The following FOXN3 variants were observed in gnomAD, a reference collection of about 807,000 sequenced individuals.
FOXN3 encodes forkhead box N3.
A neutral mutation model predicts 38.4 loss-of-function variants in FOXN3; 7 were observed. That is an observed-to-expected ratio of 0.18 (90% CI 0.10 to 0.34). The LOEUF is 0.34. FOXN3 is among the 10% of genes least tolerant of loss of function. FOXN3 has a pLI of 1.00. For missense variants in FOXN3, 456 were observed against 613.4 expected, an observed-to-expected ratio of 0.74 and a Z score of 2.71; for synonymous variants, 230 against 242.2, an observed-to-expected ratio of 0.95 and a Z score of 0.47.
chr14:89,306,274 G>C (rs1887366689), intron 3 of FOXN3, among the ~76,000 whole-genome samples: 1 of 151,960 alleles, frequency 6.6e-6, no homozygotes, highest in Non-Finnish European at 1.5e-5. Context: ...CCCAAGAGGG[G>C]AGCTGAAGAA....
chr14:89,286,609 G>A (rs1419973133), intron 3 of FOXN3, among the ~76,000 whole-genome samples: 1 of 152,138 alleles, frequency 6.6e-6, no homozygotes, highest in Non-Finnish European at 1.5e-5. Flanking sequence ...TTGTAACAAA[G>A]GGAGAATCAC....
intron 2 of FOXN3, among the ~76,000 whole-genome samples, chr14:89,395,107 G>A (rs1194493457): frequency 3.3e-5 from 5 of 152,156 alleles, no homozygotes; most frequent in Non-Finnish European, 5.9e-5. Flanking sequence ...CTTTGCTTTG[G>A]GCAGAAATAT....
chr14:89,409,179 G>C (rs1452602587), intron 2 of FOXN3: 1 of 152,256 alleles, frequency 6.6e-6, no homozygotes, highest in African/African-American at 2.4e-5. Flanking sequence ...CATTTGATCA[G>C]AAACATGTCA....
intron 1 of FOXN3, among the ~76,000 whole-genome samples, chr14:89,465,044 T>C (rs946347737): frequency 6.6e-6 from 1 of 151,976 alleles, no homozygotes; most frequent in East Asian, 1.9e-4. Context: ...AGAGATCTGA[T>C]GGTTTTATAA....
chr14:89,302,418 G>A (rs1046951026), intron 3 of FOXN3, among the ~76,000 whole-genome samples: 7 of 152,128 alleles, frequency 4.6e-5, no homozygotes, highest in African/African-American at 1.7e-4. Context: ...GATTGTGAGG[G>A]TTTTGCTTTG....
At chr14:89,419,086 A>C, upstream of FOXN3, 1 of 455,908 alleles carries the variant, frequency 2.2e-6, no homozygotes, top group East Asian at 6.9e-5. Context: ...TTGTACATGG[A>C]ATATGTCATT....
intron 1 of FOXN3, among the ~76,000 whole-genome samples, chr14:89,530,767 G>A (rs1309985064): frequency 7.3e-5 from 11 of 150,842 alleles, no homozygotes; most frequent in East Asian, 3.9e-4. Flanking sequence ...CTACCACCAC[G>A]CCCGGCTAAT....
At chr14:89,388,943 A>G (rs1393953604) in intron 2 of FOXN3, among the ~76,000 whole-genome samples, 2 of 152,090 alleles carry the variant, frequency 1.3e-5, no homozygotes, top group East Asian at 3.9e-4. Context: ...GATCCCAGAA[A>G]ACCAAAGTCG....
intron 1 of FOXN3, among the ~76,000 whole-genome samples, chr14:89,481,175 T>G (rs1398224363): frequency 6.6e-6 from 1 of 152,128 alleles, no homozygotes; most frequent in African/African-American, 2.4e-5. Flanking sequence ...AGGGGCCTGT[T>G]TGGATTCTCT....
intron 3 of FOXN3, chr14:89,291,017 C>A: frequency 2.2e-6 from 1 of 460,080 alleles, no homozygotes; most frequent in Non-Finnish European, 4.4e-6. Flanking sequence ...TGTGGTGCTC[C>A]TTGACTCATG....
At position 89,543,788 on chromosome 14, in the gene FOXN3, A is replaced by G. The variant is rs943851814; in HGVS notation, c.-15+75240T>C. On this transcript the variant is annotated intron_variant, in intron 1 of 6. Transcript: ENST00000345097. ...AAAATATCCCAACACCCAACTAAAG[A>G]CTAACTTATCAGAAACACTAGGATT... 4.1e-4 allele frequency among the ~76,000 whole-genome samples: 62 copies of G among 152,164 alleles called. 1 individual carries two copies. Among genetic ancestry groups the G allele is most frequent in the Admixed American group, 3.9e-3 (60 of 15,278 alleles).
At chr14:89,535,161 T>C (rs1894658957) in intron 1 of FOXN3, among the ~76,000 whole-genome samples, 1 of 152,180 alleles carries the variant, frequency 6.6e-6, no homozygotes, top group Non-Finnish European at 1.5e-5. Context: ...TGGCATGACA[T>C]GCCTAATGTT....
At chr14:89,367,247 T>A (rs1225814733) in intron 2 of FOXN3, among the ~76,000 whole-genome samples, 3 of 152,142 alleles carry the variant, frequency 2.0e-5, no homozygotes, top group Non-Finnish European at 2.9e-5. Context: ...AACCAACACA[T>A]CCACTTTTAA....
At chr14:89,317,042 C>T (rs1482655363) in intron 3 of FOXN3, among the ~76,000 whole-genome samples, 1 of 152,142 alleles carries the variant, frequency 6.6e-6, no homozygotes, top group Non-Finnish European at 1.5e-5. Context: ...ACATTCTATG[C>T]AGTAGAACCT....
chr14:89,307,598 C>CCT (rs1471258976), intron 3 of FOXN3, among the ~76,000 whole-genome samples: 1 of 152,152 alleles, frequency 6.6e-6, no homozygotes, highest in African/African-American at 2.4e-5. Flanking sequence ...CTTTTGCTAC[C>CCT]CTCTCTCCCT....
chr14:89,596,495 T>C (rs903486881), intron 1 of FOXN3, among the ~76,000 whole-genome samples: 1 of 152,226 alleles, frequency 6.6e-6, no homozygotes, highest in Non-Finnish European at 1.5e-5. Context: ...TGTTCCTTTC[T>C]TATAACATTT....
intron 3 of FOXN3, among the ~76,000 whole-genome samples, chr14:89,300,001 G>A (rs1887168431): frequency 6.6e-6 from 1 of 152,136 alleles, no homozygotes; most frequent in South Asian, 2.1e-4. Flanking sequence ...CAGCACAGCA[G>A]CATCATTTTG....
chr14:89,438,858 G>T (rs1345265404), intron 1 of FOXN3, among the ~76,000 whole-genome samples: 1 of 151,852 alleles, frequency 6.6e-6, no homozygotes, highest in African/African-American at 2.4e-5. Context: ...CCGCCTCCCA[G>T]GTTCTAAGGA....
At chr14:89,176,474 A>C (rs1190114493) in intron 5 of FOXN3, among the ~76,000 whole-genome samples, 3 of 152,156 alleles carry the variant, frequency 2.0e-5, no homozygotes, top group Non-Finnish European at 4.4e-5. Context: ...AGTGGGTGCT[A>C]ATGACTCTCC....
Sources: allele counts gnomAD v4.1 joint callset (sites outside exome capture counted in the v4.1 genomes callset), GRCh38; gene constraint gnomAD v4.1.1; transcripts MANE v1.5; gene names NCBI Gene and HGNC (gene_info 2026-07-23, HGNC 2026-07-21).